Variants in UPP1 observed in about 807,000 individuals in gnomAD.
UPP1 encodes the protein uridine phosphorylase 1.
UPP1 carries 25 observed loss-of-function variants against 29.6 expected under a neutral mutation model. The observed-to-expected ratio is 0.85, with a 90% CI of 0.62 to 1.18. The LOEUF is 1.18. UPP1 is among the 50% of genes most tolerant of loss of function. The pLI is 0.00. For synonymous variants in UPP1, 165 were observed against 159.8 expected, an observed-to-expected ratio of 1.03 and a Z score of -0.25; for missense variants, 368 against 410.4, an observed-to-expected ratio of 0.90 and a Z score of 0.89.
chr7:48,088,882 C>T (rs1346323649), upstream of UPP1: 1 of 152,422 alleles, frequency 6.6e-6, no homozygotes, highest in African/African-American at 2.4e-5. Context: ...CCTAGAGCCG[C>T]TTCTAGCCCG....
intron 6 of UPP1, chr7:48,106,604 A>G (rs769446395): frequency 4.9e-6 from 2 of 407,324 alleles, no homozygotes; most frequent in Non-Finnish European, 9.3e-6. Flanking sequence ...GGGCCACTGC[A>G]CCCAGCCCTC....
intron 2 of UPP1, among the ~76,000 whole-genome samples, chr7:48,092,891 A>G (rs905862293): frequency 2.0e-5 from 3 of 151,938 alleles, no homozygotes; most frequent in African/African-American, 7.3e-5. Context: ...TTTAGTAGAG[A>G]TGGAGTTTCA....
intron 3 of UPP1, among the ~76,000 whole-genome samples, chr7:48,098,583 G>A (rs576141914): frequency 6.6e-6 from 1 of 152,148 alleles, no homozygotes; most frequent in East Asian, 1.9e-4. Flanking sequence ...TGTCTGTGAG[G>A]GGGGTGCATC....
intron 6 of UPP1, chr7:48,103,992 G>T: frequency 9.8e-7 from 1 of 1,018,580 alleles, no homozygotes. Flanking sequence ...GGCCGAGGCG[G>T]GCGGATCACA....
chr7:48,095,422 A>G (rs1317533669), intron 3 of UPP1, among the ~76,000 whole-genome samples: 4 of 151,412 alleles, frequency 2.6e-5, no homozygotes, highest in Non-Finnish European at 5.9e-5. Context: ...GTGGCCTCTG[A>G]CCTTGGCACC....
intron 2 of UPP1, among the ~76,000 whole-genome samples, chr7:48,093,186 G>GA (rs1452789939): frequency 6.6e-6 from 1 of 152,176 alleles, no homozygotes; most frequent in Non-Finnish European, 1.5e-5. Flanking sequence ...GCAGCAATTG[G>GA]AGGGAACATT....
rs554780174 is a variant in UPP1 at position 48,094,111 on chromosome 7, G to C, written c.-21-652G>C. On this transcript the variant is annotated intron_variant, in intron 2 of 8. Coordinates refer to ENST00000395564, the MANE Select transcript of UPP1 (RefSeq NM_003364.4). ...GGAGGCGGAGGTTGCAGTGAGCCGAGATGGCACCACTGCACTCCAGCCTGG... is the reference window on the plus strand; with the variant it reads ...GGAGGCGGAGGTTGCAGTGAGCCGACATGGCACCACTGCACTCCAGCCTGG... Among the ~76,000 whole-genome samples, 22 of 152,268 alleles carry C rather than the reference G, an allele frequency of 1.4e-4. No homozygotes were observed. The South Asian group carries it at 4.6e-3, about 32-fold the overall frequency.
intron 2 of UPP1, among the ~76,000 whole-genome samples, chr7:48,092,309 G>A (rs2059257135): frequency 6.6e-6 from 1 of 152,130 alleles, no homozygotes; most frequent in African/African-American, 2.4e-5. Context: ...TCTTCCCTCA[G>A]TCGGTAGGTC....
At position 48,107,085 on chromosome 7, in the gene UPP1, G is replaced by A; in HGVS notation, c.646+3G>A. Reference sequence around the variant, plus strand: ...GTGCACCTTGGACTTCTATGAAGGTGAGGCAGCGGATACGAGGAGGCATCT... The same window carrying A: ...GTGCACCTTGGACTTCTATGAAGGTAAGGCAGCGGATACGAGGAGGCATCT... On this transcript the variant is annotated splice_donor_region_variant and intron_variant, in intron 7 of 8. Transcript: ENST00000395564. 3 of 1,611,234 alleles carry A rather than the reference G, an allele frequency of 1.9e-6. No individual in the cohort carries two copies. Among genetic ancestry groups the A allele is most frequent in the Non-Finnish European group, 2.5e-6 (3 of 1,179,312 alleles).
At chr7:48,095,019 G>A (rs895083185) in intron 3 of UPP1, among the ~76,000 whole-genome samples, 192 bp downstream of exon 3, 2 of 152,186 alleles carry the variant, frequency 1.3e-5, no homozygotes, top group Non-Finnish European at 2.9e-5. Context: ...TCCGGGGTCG[G>A]GTGCTGGGGC....
chr7:48,103,587 C>G (rs1050776053), intron 6 of UPP1, among the ~76,000 whole-genome samples, 176 bp downstream of exon 6: 2 of 152,168 alleles, frequency 1.3e-5, no homozygotes, highest in Admixed American at 6.5e-5. Flanking sequence ...TTTGTCCAAC[C>G]TGTTCTCCCA....
Position 48,103,410 on chromosome 7 carries a change from A to C in UPP1, c.435A>C (p.Ile145=), listed in dbSNP as rs757954482. 1.9e-6 allele frequency: 3 copies of C among 1,613,250 alleles called. No homozygotes were observed. The Admixed American group carries it at 5.0e-5, about 27-fold the overall frequency. ...TIIRIGTSGG[I]GLEPGTVVIT... Reference sequence around the variant, plus strand: ...TCCGCATTGGCACTTCTGGTGGGATAGGTAAGGTCTGCAGAGGGGCCTCTT... The same window carrying C: ...TCCGCATTGGCACTTCTGGTGGGATCGGTAAGGTCTGCAGAGGGGCCTCTT... Residue 145 remains isoleucine, a splice_region_variant and synonymous_variant, in exon 6 of 9, where the codon ATA becomes ATC. Transcript: ENST00000395564.
intron 2 of UPP1, among the ~76,000 whole-genome samples, chr7:48,093,205 C>T (rs1243121602): frequency 6.6e-6 from 1 of 152,188 alleles, no homozygotes; most frequent in African/African-American, 2.4e-5. Flanking sequence ...TTTTTCTCCA[C>T]ACCTAACAAC....
chr7:48,108,606 T>C lies in UPP1; in HGVS notation c.*249T>C. ...TCAAGAACATTCTACCAAATTTTTG[T>C]ACTATTTCTAGGGAAATTTTTCAGA... On this transcript the variant is annotated 3_prime_UTR_variant, in exon 9 of 9. Coordinates refer to ENST00000395564, the MANE Select transcript of UPP1 (RefSeq NM_003364.4). The C allele has an allele frequency of 2.7e-6, 1 of 364,574 alleles. No homozygotes were observed. Among genetic ancestry groups the C allele is most frequent in the Non-Finnish European group, 4.7e-6 (1 of 212,512 alleles). 22.6% of individuals were successfully genotyped at this position (364,574 alleles called of 1,614,324 possible). A position where few individuals can be genotyped will look rare whatever the true frequency, so the allele number is the denominator to read the frequency against.
intron 6 of UPP1, chr7:48,106,200 A>G (rs1468882953): frequency 6.5e-6 from 1 of 153,162 alleles, no homozygotes; most frequent in Non-Finnish European, 1.5e-5. Context: ...GGGATCAATG[A>G]AACACATCAT....
intron 2 of UPP1, among the ~76,000 whole-genome samples, chr7:48,092,102 C>T (rs1045188408): frequency 3.2e-4 from 48 of 152,244 alleles, no homozygotes; most frequent in Middle Eastern, 3.4e-3. Context: ...CTTCCCCTGC[C>T]TGGTTCACTG....
rs780939535 is a variant in UPP1 at position 48,108,243 on chromosome 7, G to GA, written c.821dup (p.Asn274LysfsTer54). 2 of 1,613,654 alleles carry GA rather than the reference G, an allele frequency of 1.2e-6. No individual in the cohort carries two copies. The highest frequency in any genetic ancestry group is 8.5e-7 in the Non-Finnish European group (1 of 1,179,988). ...CGGCCGTGGTGTGTGTCACCCTCCT[G>GA]AACCGCCTGGAAGGGGACCAGATCA... On this transcript the variant is annotated frameshift_variant, in exon 9 of 9. Coordinates refer to ENST00000395564, the MANE Select transcript of UPP1 (RefSeq NM_003364.4). LOFTEE classifies it high-confidence loss of function.
At chr7:48,097,879 C>T (rs954728645) in intron 3 of UPP1, among the ~76,000 whole-genome samples, 1 of 152,172 alleles carries the variant, frequency 6.6e-6, no homozygotes, top group Non-Finnish European at 1.5e-5. Context: ...AAGGATGGTC[C>T]TTACCACACG....
rs769486346 is a variant in UPP1 at position 48,107,423 on chromosome 7, G to T, written c.709G>T (p.Glu237Ter). 55 of 1,614,074 alleles carry T rather than the reference G, an allele frequency of 3.4e-5. No homozygotes were observed. The highest frequency in any genetic ancestry group is 4.5e-5 in the Non-Finnish European group (53 of 1,180,038). Residue 237 changes from glutamate to a stop codon, truncating the protein, a stop_gained, in exon 8 of 9, where the codon GAG becomes TAG. Coordinates refer to ENST00000395564, the MANE Select transcript of UPP1 (RefSeq NM_003364.4). LOFTEE classifies it high-confidence loss of function. ...GGAGAAGGACAAGCAGGCGTATCTG[G>T]AGGCAGCCTATGCAGCCGGCGTCCG... Reference protein sequence around the residue: ...YTEKDKQAYLEAAYAAGVRNI... With the variant: ...YTEKDKQAYL
Sources: gnomAD v4.1 joint callset for allele counts (sites outside exome capture counted in the v4.1 genomes callset) on GRCh38, gnomAD v4.1.1 for gene constraint, MANE v1.5 for transcripts, NCBI Gene and HGNC (gene_info 2026-07-23, HGNC 2026-07-21) for gene names.